The following DACH2 variants were observed in gnomAD, a reference collection of about 807,000 sequenced individuals.
DACH2 encodes dachshund family transcription factor 2, also known as dachshund homolog 2.
Under a neutral mutation model 35.8 loss-of-function variants are expected in DACH2, and 17 were observed. The observed-to-expected ratio is 0.48, with a 90% CI of 0.33 to 0.71. The LOEUF is 0.71. Ranked by LOEUF, DACH2 falls within the 30% of genes least tolerant of loss-of-function variation. The pLI is 0.02. For synonymous variants in DACH2, 195 were observed against 177.3 expected, an observed-to-expected ratio of 1.10 and a Z score of -0.79; for missense variants, 469 against 472.7, an observed-to-expected ratio of 0.99 and a Z score of 0.07.
At chrX:86,461,854 C>T (rs187517543) in intron 2 of DACH2, among the ~76,000 whole-genome samples, 38 of 111,337 alleles carry the variant, frequency 3.4e-4, no homozygotes, top group South Asian at 1.1e-3. Flanking sequence ...TTTTGAAGTT[C>T]GTATCATCAC....
At chrX:86,596,864 C>T (rs990180673) in intron 3 of DACH2, among the ~76,000 whole-genome samples, 13 of 111,370 alleles carry the variant, frequency 1.2e-4, no homozygotes, top group African/African-American at 4.2e-4. Context: ...TGTGGTTATC[C>T]TAGCACCACT....
intron 2 of DACH2, among the ~76,000 whole-genome samples, chrX:86,456,484 T>A (rs1210068068): frequency 8.9e-6 from 1 of 111,897 alleles, no homozygotes; most frequent in Non-Finnish European, 1.9e-5. Context: ...TAACAAAATA[T>A]TCCTAATTCC....
chrX:86,605,146 T>C (rs1158439504), intron 3 of DACH2, among the ~76,000 whole-genome samples: 6 of 112,230 alleles, frequency 5.3e-5, no homozygotes, highest in Non-Finnish European at 9.4e-5. Context: ...TCAAGCAGTT[T>C]AGTCTGTTCC....
chrX:86,420,829 G>A (rs748619085), intron 2 of DACH2, among the ~76,000 whole-genome samples: 1 of 111,410 alleles, frequency 9.0e-6, no homozygotes, highest in South Asian at 3.7e-4. Context: ...TTGTCTCTTA[G>A]ATGTCAATGA....
rs745981720 is a variant in DACH2, at chrX:86,180,171, A to G, written c.488+31063A>G. ...ATTAATGTCCCCTAGCAACCATGCTAAACCGTATATATATATATATATATA... is the reference window on the plus strand; with the variant it reads ...ATTAATGTCCCCTAGCAACCATGCTGAACCGTATATATATATATATATATA... On this transcript the variant is annotated intron_variant, in intron 1 of 11. Transcript: ENST00000373125. Among the ~76,000 whole-genome samples the G allele has an allele frequency of 3.6e-3, 96 of 26,850 alleles. 1 individual carries two copies. Among genetic ancestry groups the G allele is most frequent in the African/African-American group, 0.014 (95 of 6,713 alleles). 23.3% of individuals were successfully genotyped at this position (26,850 alleles called of 115,157 possible). A position where few individuals can be genotyped will look rare whatever the true frequency, so the allele number is the denominator to read the frequency against.
intron 2 of DACH2, 67 bp from the exon 3 acceptor site, chrX:86,514,212 C>A: frequency 1.1e-6 from 1 of 944,907 alleles, no homozygotes; most frequent in Non-Finnish European, 1.5e-6. Flanking sequence ...GTAAATATTG[C>A]AAGTGATGGT....
intron 2 of DACH2, among the ~76,000 whole-genome samples, chrX:86,382,934 A>G (rs1295896976): frequency 2.7e-5 from 3 of 110,599 alleles, no homozygotes; most frequent in African/African-American, 9.8e-5. Flanking sequence ...CATATTTAAG[A>G]TCTTTCATTG....
chrX:86,516,444 C>T (rs191381741), intron 3 of DACH2, among the ~76,000 whole-genome samples: 2 of 111,062 alleles, frequency 1.8e-5, no homozygotes, highest in African/African-American at 3.3e-5. Context: ...ATGTACTAGC[C>T]GTGGGTGCCA....
At chrX:86,278,540 T>G (rs1009386506) in intron 1 of DACH2, among the ~76,000 whole-genome samples, 1 of 112,645 alleles carries the variant, frequency 8.9e-6, no homozygotes, top group Non-Finnish European at 1.9e-5. Flanking sequence ...GTTCCTATTT[T>G]GATTAATAAA....
intron 2 of DACH2, among the ~76,000 whole-genome samples, chrX:86,412,965 A>G (rs2036639186): frequency 9.0e-6 from 1 of 111,556 alleles, no homozygotes. Flanking sequence ...TCCAAATTTT[A>G]AATAGGCCCA....
At chrX:86,202,536 A>C (rs899661692) in intron 1 of DACH2, among the ~76,000 whole-genome samples, 32 of 111,633 alleles carry the variant, frequency 2.9e-4, no homozygotes, top group African/African-American at 1.0e-3. Context: ...GGAAAGACTG[A>C]GTAATTTGGT....
chrX:86,498,397 T>A (rs774306761), intron 2 of DACH2, among the ~76,000 whole-genome samples: 14 of 112,547 alleles, frequency 1.2e-4, no homozygotes, highest in Non-Finnish European at 1.9e-4. Context: ...ATTTAGCATA[T>A]GGCTGAAGAG....
At position 86,289,396 on chromosome X, in the gene DACH2, T is replaced by A. The variant is rs57780090; in HGVS notation, c.489-87428T>A. On this transcript the variant is annotated intron_variant, in intron 1 of 11. Transcript: ENST00000373125. Reference sequence around the variant, plus strand: ...TCCCTTAGCTGCCTCGGTTGGTGTCTAAGCAGGTTTCTTTTATTTATTTAT... The same window carrying A: ...TCCCTTAGCTGCCTCGGTTGGTGTCAAAGCAGGTTTCTTTTATTTATTTAT... Among the ~76,000 whole-genome samples the A allele has an allele frequency of 8.9e-4, 95 of 106,689 alleles. 2 individuals carry two copies. The Admixed American group carries it at 9.2e-3, about 10-fold the overall frequency. 92.6% of individuals were successfully genotyped at this position (106,689 alleles called of 115,157 possible). A position where few individuals can be genotyped will look rare whatever the true frequency, so the allele number is the denominator to read the frequency against.
Position 86,720,194 on chromosome X carries a change from C to T in DACH2, c.1104+5474C>T, listed in dbSNP as rs1438738144. The stretch of plus-strand genomic sequence containing the variant: ...CCTTGTGATCCACCTGCCTCGGCCT[C>T]CCAAAGTGCTGGGATTACAGCCATG... On this transcript the variant is annotated intron_variant, in intron 6 of 11. Coordinates refer to ENST00000373125, the MANE Select transcript of DACH2 (RefSeq NM_053281.3). Among the ~76,000 whole-genome samples, 3 of 109,900 alleles carry T rather than the reference C, an allele frequency of 2.7e-5. No individual in the cohort carries two copies. In the East Asian group the frequency reaches 8.7e-4, roughly 32 times the overall value.
At chrX:86,291,107 T>G (rs2147998137) in intron 1 of DACH2, among the ~76,000 whole-genome samples, 1 of 103,733 alleles carries the variant, frequency 9.6e-6, no homozygotes, top group Non-Finnish European at 2.0e-5. Context: ...CCTTGAGCAG[T>G]GGTTTGTAGT....
rs1291190503 is a variant in DACH2, at chrX:86,395,703, C to A, written c.527+18841C>A. On this transcript the variant is annotated intron_variant, in intron 2 of 11. Transcript: ENST00000373125. ...GTTTCCAGCTTCATCCATGTCCCTA[C>A]AAAGGACATGAACTTATCACTTTTT... 1.8e-4 allele frequency among the ~76,000 whole-genome samples: 20 copies of A among 111,758 alleles called. 1 individual carries two copies. The highest frequency in any genetic ancestry group is 4.6e-3 in the Middle Eastern group (1 of 218).
chrX:86,386,693 T>C (rs767459996), intron 2 of DACH2, among the ~76,000 whole-genome samples: 3 of 111,636 alleles, frequency 2.7e-5, no homozygotes, highest in Non-Finnish European at 5.7e-5. Context: ...TTCAGTAGGC[T>C]CCTGCGTACC....
rs372042497 is a variant in DACH2 at position 86,208,768 on chromosome X, C to G, written c.488+59660C>G. 4.5e-5 allele frequency among the ~76,000 whole-genome samples: 5 copies of G among 111,652 alleles called. No homozygotes were observed. The South Asian group carries it at 1.9e-3, about 42-fold the overall frequency. The stretch of plus-strand genomic sequence containing the variant: ...AAAATTATTTATTTTATTAATTGAG[C>G]AAGCATTTATTGGACACCTACATTC... On this transcript the variant is annotated intron_variant, in intron 1 of 11. Transcript: ENST00000373125.
At chrX:86,680,257 T>C (rs2040866056) in intron 4 of DACH2, among the ~76,000 whole-genome samples, 1 of 112,074 alleles carries the variant, frequency 8.9e-6, no homozygotes, top group South Asian at 3.7e-4. Flanking sequence ...AAACTAAAAG[T>C]TCTTAAAGAT....
Sources: gnomAD v4.1 joint callset for allele counts (sites outside exome capture counted in the v4.1 genomes callset) on GRCh38, gnomAD v4.1.1 for gene constraint, MANE v1.5 for transcripts, NCBI Gene and HGNC (gene_info 2026-07-23, HGNC 2026-07-21) for gene names.